The following ADAM12 variants were observed in gnomAD, a reference collection of about 807,000 sequenced individuals.
The protein encoded by ADAM12 is ADAM metallopeptidase domain 12.
A neutral mutation model predicts 106.4 loss-of-function variants in ADAM12; 70 were observed. That is an observed-to-expected ratio of 0.66 (90% CI 0.54 to 0.80). ADAM12 has a LOEUF of 0.80. Ranked by LOEUF, ADAM12 falls within the 30% of genes least tolerant of loss-of-function variation. The probability of loss-of-function intolerance (pLI) is 0.00; values close to 1 mark genes in which losing one functional copy is unlikely to be tolerated. For missense variants in ADAM12, 1,010 were observed against 1,171.9 expected, an observed-to-expected ratio of 0.86 and a Z score of 2.02; for synonymous variants, 420 against 433.5, an observed-to-expected ratio of 0.97 and a Z score of 0.39.
At chr10:126,032,526 T>C (rs1035716878) in intron 21 of ADAM12, among the ~76,000 whole-genome samples, 1 of 152,204 alleles carries the variant, frequency 6.6e-6, no homozygotes, top group African/African-American at 2.4e-5. Context: ...CAAGAGTCCC[T>C]GCTGGTGGAG....
chr10:126,254,998 C>T (rs1379155034), intron 3 of ADAM12, among the ~76,000 whole-genome samples: 4 of 152,206 alleles, frequency 2.6e-5, no homozygotes, highest in Non-Finnish European at 5.9e-5. Flanking sequence ...CCCCGGTCAC[C>T]AGCCCCCGGT....
intron 1 of ADAM12, among the ~76,000 whole-genome samples, chr10:126,346,911 T>A (rs947472614): frequency 6.6e-6 from 1 of 152,238 alleles, no homozygotes; most frequent in African/African-American, 2.4e-5. Context: ...TGAGCCTATG[T>A]GTGTCTCTGC....
At chr10:126,133,028 A>G (rs2133670315) in intron 5 of ADAM12, among the ~76,000 whole-genome samples, 1 of 152,192 alleles carries the variant, frequency 6.6e-6, no homozygotes, top group Admixed American at 6.5e-5. Flanking sequence ...CTTGGGGCTC[A>G]TGGTCCATCC....
At chr10:126,076,799 G>C (rs553585185) in intron 11 of ADAM12, among the ~76,000 whole-genome samples, 3 of 152,280 alleles carry the variant, frequency 2.0e-5, no homozygotes, top group Non-Finnish European at 2.9e-5. Flanking sequence ...CTCCCATTCT[G>C]TAGGCTGTCT....
At chr10:126,061,298 G>T (rs999390210) in intron 14 of ADAM12, among the ~76,000 whole-genome samples, 1 of 152,172 alleles carries the variant, frequency 6.6e-6, no homozygotes, top group South Asian at 2.1e-4. Flanking sequence ...ATATTACATG[G>T]AATAGATTAT....
At chr10:126,125,227 CCTTTTTTTTTTCTTTTCTTTT>C (rs1306488544) in intron 5 of ADAM12, among the ~76,000 whole-genome samples, 1 of 149,418 alleles carries the variant, frequency 6.7e-6, no homozygotes, top group Non-Finnish European at 1.5e-5. Context: ...TGTATTACTT[CCTTTTTTTTTTCTTTTCTTTT>C]CTTTTTTTTT....
intron 1 of ADAM12, among the ~76,000 whole-genome samples, chr10:126,387,411 A>AGGAGGGAGAATTCCGCT (rs547335105): frequency 0.34 from 50,928 of 151,948 alleles, 9,069 homozygotes; most frequent in Non-Finnish European, 0.41. Context: ...GAGTGGAGGA[A>AGGAGGGAGAATTCCGCT]GGAGGGAGAA....
rs1010552640 is a variant in ADAM12 at position 126,062,579 on chromosome 10, T to G, written c.1609+2227A>C. On this transcript the variant is annotated intron_variant, in intron 14 of 22. Transcript: ENST00000448723. ...TCAGGCAGCTACAGAAGGACTAGAC[T>G]GATGAGATAATAAATACCAGCTTTG... Among the ~76,000 whole-genome samples, 3 of 152,180 alleles carry G rather than the reference T, an allele frequency of 2.0e-5. No homozygotes were observed. The East Asian group carries it at 5.8e-4, about 29-fold the overall frequency.
Position 126,243,530 on chromosome 10 carries a change from G to A in ADAM12, c.260+35385C>T, listed in dbSNP as rs1451577758. Among the ~76,000 whole-genome samples the A allele has an allele frequency of 4.7e-5, 6 of 128,316 alleles. No homozygotes were observed. In the South Asian group the frequency reaches 1.6e-3, roughly 34 times the overall value. 84.2% of individuals were successfully genotyped at this position (128,316 alleles called of 152,430 possible). On this transcript the variant is annotated intron_variant, in intron 3 of 22. Transcript: ENST00000448723. ...GTGTGTGTGTGTGTAGGTCATTCAG[G>A]ACAAGTTAAAACACTTATGGGTGTG...
At chr10:126,156,117 G>T (rs1299551811) in intron 3 of ADAM12, among the ~76,000 whole-genome samples, 1 of 152,136 alleles carries the variant, frequency 6.6e-6, no homozygotes, top group Non-Finnish European at 1.5e-5. Context: ...CCGCTGCCAG[G>T]TGCTAGCTGC....
At chr10:126,283,471 A>G (rs1448600847) in intron 2 of ADAM12, among the ~76,000 whole-genome samples, 1 of 152,194 alleles carries the variant, frequency 6.6e-6, no homozygotes, top group Non-Finnish European at 1.5e-5. Context: ...TCTGGCAAAA[A>G]TTTAAAAAGG....
intron 14 of ADAM12, among the ~76,000 whole-genome samples, chr10:126,058,010 C>T (rs1590349375): frequency 6.6e-6 from 1 of 152,290 alleles, no homozygotes; most frequent in East Asian, 1.9e-4. Flanking sequence ...ATGCTGGGCA[C>T]ATGACCGAAG....
At chr10:126,331,712 G>A (rs763909409) in intron 1 of ADAM12, among the ~76,000 whole-genome samples, 5 of 152,062 alleles carry the variant, frequency 3.3e-5, no homozygotes, top group East Asian at 1.9e-4. Flanking sequence ...TGCAACCCTC[G>A]ACCGCATGGG....
intron 11 of ADAM12, among the ~76,000 whole-genome samples, chr10:126,089,254 C>A (rs1445030006): frequency 6.6e-6 from 1 of 152,130 alleles, no homozygotes; most frequent in Non-Finnish European, 1.5e-5. Flanking sequence ...CTAAAGGATG[C>A]TCACTATAGG....
chr10:126,014,510 A>G lies in ADAM12; in HGVS notation c.*2769T>C, dbSNP rs772175984. ...TGTGGTTTCTGTGATGTCATCCCACATGTGTAAGCTGGAAAAATCCACGCT... is the reference window on the plus strand; with the variant it reads ...TGTGGTTTCTGTGATGTCATCCCACGTGTGTAAGCTGGAAAAATCCACGCT... On this transcript the variant is annotated 3_prime_UTR_variant, in exon 23 of 23. Coordinates refer to ENST00000448723, the MANE Select transcript of ADAM12 (RefSeq NM_001288973.2). 2.0e-5 allele frequency: 3 copies of G among 150,612 alleles called. No homozygotes were observed. The highest frequency in any genetic ancestry group is 4.4e-5 in the Non-Finnish European group (3 of 67,812). 9.3% of individuals were successfully genotyped at this position (150,612 alleles called of 1,614,324 possible).
intron 3 of ADAM12, among the ~76,000 whole-genome samples, chr10:126,247,830 C>T (rs780434967): frequency 3.3e-5 from 5 of 152,212 alleles, no homozygotes; most frequent in Non-Finnish European, 5.9e-5. Context: ...TCACCTCCTC[C>T]TCTGTCAAGC....
chr10:126,375,651 A>G (rs1164136710), intron 1 of ADAM12, among the ~76,000 whole-genome samples: 2 of 151,986 alleles, frequency 1.3e-5, no homozygotes, highest in Non-Finnish European at 1.5e-5. Flanking sequence ...AGAAGAAAGA[A>G]AAGAAAGGTG....
At chr10:126,073,623 G>A (rs1010979457) in intron 11 of ADAM12, among the ~76,000 whole-genome samples, 1 of 152,192 alleles carries the variant, frequency 6.6e-6, no homozygotes, top group African/African-American at 2.4e-5. Flanking sequence ...AGAACATGCA[G>A]TATTTGGTTT....
chr10:126,251,347 A>G (rs1958742659), intron 3 of ADAM12, among the ~76,000 whole-genome samples: 2 of 152,230 alleles, frequency 1.3e-5, no homozygotes, highest in African/African-American at 2.4e-5. Context: ...GCATGTTATT[A>G]TTCTTTATTT....
Sources: gnomAD v4.1 joint callset for allele counts (sites outside exome capture counted in the v4.1 genomes callset) on GRCh38, gnomAD v4.1.1 for gene constraint, MANE v1.5 for transcripts, NCBI Gene and HGNC (gene_info 2026-07-23, HGNC 2026-07-21) for gene names.